DGUOK: variants seen among roughly 807,000 people sequenced by gnomAD.
The protein encoded by DGUOK is deoxyguanosine kinase.
A neutral mutation model predicts 36.6 loss-of-function variants in DGUOK; 30 were observed. That is an observed-to-expected ratio of 0.82 (90% CI 0.61 to 1.11). DGUOK has a LOEUF of 1.11. DGUOK is among the 50% of genes most tolerant of loss of function. DGUOK has a pLI of 0.00. For missense variants in DGUOK, 361 were observed against 336.4 expected, an observed-to-expected ratio of 1.07 and a Z score of -0.57; for synonymous variants, 145 against 126.3, an observed-to-expected ratio of 1.15 and a Z score of -0.99.
intron 4 of DGUOK, among the ~76,000 whole-genome samples, chr2:73,953,427 C>T (rs1682847833): frequency 1.3e-5 from 2 of 152,010 alleles, no homozygotes; most frequent in African/African-American, 4.8e-5. Flanking sequence ...AGAAAAATAG[C>T]TTATTCATTT....
chr2:73,927,314 T>C (rs1202703499), intron 1 of DGUOK, among the ~76,000 whole-genome samples: 3 of 152,234 alleles, frequency 2.0e-5, no homozygotes, highest in Admixed American at 6.5e-5. Context: ...ACAAGAATTG[T>C]ATTAGCTGTT....
rs150678946 is a variant in DGUOK at position 73,946,816 on chromosome 2, G to A, written c.353G>A (p.Arg118His). Reference sequence around the variant, plus strand: ...TTCCAGACATTTTCCTTTTTGAGCCGCCTGAAAGTACAGCTGGAGCCCTTC... The same window carrying A: ...TTCCAGACATTTTCCTTTTTGAGCCACCTGAAAGTACAGCTGGAGCCCTTC... Reference protein sequence around the residue: ...YTFQTFSFLSRLKVQLEPFPE... With the variant: ...YTFQTFSFLSHLKVQLEPFPE... Residue 118 changes from arginine (R) to histidine (H), a missense_variant, in exon 3 of 7, where the codon CGC (arginine) becomes CAC (histidine). Transcript: ENST00000264093. 6.8e-6 allele frequency: 11 copies of A among 1,613,822 alleles called. No homozygotes were observed. The highest frequency in any genetic ancestry group is 1.3e-5 in the African/African-American group (1 of 74,862).
chr2:73,928,210 C>T (rs1428043742), intron 1 of DGUOK, among the ~76,000 whole-genome samples: 1 of 152,192 alleles, frequency 6.6e-6, no homozygotes. Flanking sequence ...TCACTGCAAC[C>T]TCTGCCTCCC....
intron 5 of DGUOK, among the ~76,000 whole-genome samples, chr2:73,957,534 T>TG (rs1190809205): frequency 6.6e-6 from 1 of 151,870 alleles, no homozygotes; most frequent in Non-Finnish European, 1.5e-5. Flanking sequence ...ATTAGCCAGG[T>TG]GTGGTGTCAG....
At chr2:73,938,250 G>A (rs561971667) in intron 1 of DGUOK, among the ~76,000 whole-genome samples, 6 of 152,142 alleles carry the variant, frequency 3.9e-5, no homozygotes, top group Admixed American at 2.0e-4. Flanking sequence ...CATCTTTTAG[G>A]TCTTACCTCA....
In DGUOK at chr2:73,930,805, T is replaced by C. The variant is rs558447130; in HGVS notation, c.142+3753T>C. 1.2e-3 allele frequency among the ~76,000 whole-genome samples: 178 copies of C among 143,186 alleles called. 1 individual carries two copies. Among genetic ancestry groups the C allele is most frequent in the African/African-American group, 4.5e-3 (174 of 38,736 alleles). The allele number at this position is 143,186 out of a possible 152,430, so 93.9% of individuals were successfully genotyped here. On this transcript the variant is annotated intron_variant, in intron 1 of 6. Coordinates refer to ENST00000264093, the MANE Select transcript of DGUOK (RefSeq NM_080916.3). ...TTCTTTTTTTTTTTCTTTTTTTTTTTTTTTTTTTGAGACAGAGTCTTGCTC... is the reference window on the plus strand; with the variant it reads ...TTCTTTTTTTTTTTCTTTTTTTTTTCTTTTTTTTGAGACAGAGTCTTGCTC...
intron 6 of DGUOK, 52 bp downstream of exon 6, chr2:73,958,297 T>C (rs1466547492): frequency 6.9e-7 from 1 of 1,448,780 alleles, no homozygotes; most frequent in South Asian, 1.2e-5. Context: ...GTTGTACTTT[T>C]ATCTTTCTGG....
intron 1 of DGUOK, among the ~76,000 whole-genome samples, chr2:73,935,443 A>G (rs1681383993): frequency 6.6e-6 from 1 of 152,180 alleles, no homozygotes; most frequent in Non-Finnish European, 1.5e-5. Flanking sequence ...AACATTTGTC[A>G]AAACAAACAA....
chr2:73,948,960 TTTTTG>T (rs1469822554), intron 3 of DGUOK, among the ~76,000 whole-genome samples: 1 of 152,184 alleles, frequency 6.6e-6, no homozygotes, highest in African/African-American at 2.4e-5. Flanking sequence ...ATAAGATCCT[TTTTTG>T]TTTTAAGACA....
chr2:73,951,189 A>T (rs758704768), intron 4 of DGUOK, among the ~76,000 whole-genome samples: 1 of 152,042 alleles, frequency 6.6e-6, no homozygotes, highest in Non-Finnish European at 1.5e-5. Flanking sequence ...TTGAACTGTG[A>T]TGCCATTGGG....
intron 6 of DGUOK, 136 bp from the exon 7 acceptor site, chr2:73,958,574 C>A: frequency 1.3e-6 from 1 of 761,362 alleles, no homozygotes; most frequent in Non-Finnish European, 2.3e-6. Context: ...GGGCTGCCCA[C>A]ATTTCTTCTC....
intron 2 of DGUOK, among the ~76,000 whole-genome samples, 165 bp downstream of exon 2, chr2:73,939,187 T>C (rs996499830): frequency 2.0e-5 from 3 of 152,200 alleles, no homozygotes; most frequent in African/African-American, 7.2e-5. Context: ...TATGACTTGT[T>C]TGAATATGTG....
intron 1 of DGUOK, among the ~76,000 whole-genome samples, chr2:73,929,637 G>C (rs1680866008): frequency 1.3e-5 from 2 of 152,028 alleles, no homozygotes; most frequent in Admixed American, 1.3e-4. Context: ...TGCCTACTGA[G>C]GTAGGAGAAA....
chr2:73,943,361 T>C (rs1449056574), intron 2 of DGUOK, among the ~76,000 whole-genome samples: 1 of 150,248 alleles, frequency 6.7e-6, no homozygotes, highest in Non-Finnish European at 1.5e-5. Flanking sequence ...AGGGTCTCAC[T>C]TTGCTGCCCA....
Position 73,958,859 on chromosome 2 carries a change from CAA to C in DGUOK, c.*124_*125del. 1.2e-6 allele frequency: 1 copy of C among 814,800 alleles called. No homozygotes were observed. The highest frequency in any genetic ancestry group is 2.1e-6 in the Non-Finnish European group (1 of 469,538). The allele number at this position is 814,800 out of a possible 1,614,324, so 50.5% of individuals were successfully genotyped here. A position where few individuals can be genotyped will look rare whatever the true frequency, so the allele number is the denominator to read the frequency against. ...CTCATCCCTGGAGCACTCTGCCGCT[CAA>C]GAGCTGGTTTGTTAATTATTGTTAG... On this transcript the variant is annotated 3_prime_UTR_variant, in exon 7 of 7. Coordinates refer to ENST00000264093, the MANE Select transcript of DGUOK (RefSeq NM_080916.3).
intron 3 of DGUOK, among the ~76,000 whole-genome samples, chr2:73,948,491 A>C (rs1438319731): frequency 6.6e-6 from 1 of 152,212 alleles, no homozygotes; most frequent in Non-Finnish European, 1.5e-5. Context: ...AGGGTAATTT[A>C]GACTTTGTTC....
intron 1 of DGUOK, among the ~76,000 whole-genome samples, chr2:73,930,293 A>G (rs1036573302): frequency 2.0e-5 from 3 of 152,228 alleles, no homozygotes; most frequent in Non-Finnish European, 1.5e-5. Flanking sequence ...ATGTTGAATT[A>G]CTGGGTACCA....
At chr2:73,937,174 G>A (rs1681531526) in intron 1 of DGUOK, among the ~76,000 whole-genome samples, 1 of 152,182 alleles carries the variant, frequency 6.6e-6, no homozygotes, top group South Asian at 2.1e-4. Flanking sequence ...CATGAAGCTT[G>A]TTCAGGTCTT....
intron 1 of DGUOK, among the ~76,000 whole-genome samples, chr2:73,938,124 A>G (rs761565963): frequency 6.6e-6 from 1 of 152,174 alleles, no homozygotes; most frequent in Non-Finnish European, 1.5e-5. Context: ...TCACTTGCTC[A>G]TGCTGTAGCC....
Sources: gnomAD v4.1 joint callset for allele counts (sites outside exome capture counted in the v4.1 genomes callset) on GRCh38, gnomAD v4.1.1 for gene constraint, MANE v1.5 for transcripts, NCBI Gene and HGNC (gene_info 2026-07-23, HGNC 2026-07-21) for gene names.